Variants in CSMD1 observed in about 807,000 individuals in gnomAD.
CSMD1 encodes CUB and Sushi multiple domains 1.
Under a neutral mutation model 417.5 loss-of-function variants are expected in CSMD1, and 213 were observed. That is an observed-to-expected ratio of 0.51 (90% CI 0.46 to 0.57). The LOEUF is 0.57. CSMD1 is among the 20% of genes least tolerant of loss of function. CSMD1 has a pLI of 0.00. For synonymous variants in CSMD1, 2,862 were observed against 1,736.8 expected, an observed-to-expected ratio of 1.65 and a Z score of -16.11; for missense variants, 6,923 against 4,529.7, an observed-to-expected ratio of 1.53 and a Z score of -15.17.
intron 1 of CSMD1, among the ~76,000 whole-genome samples, chr8:4,913,577 G>T (rs922933326): frequency 1.3e-5 from 2 of 152,188 alleles, no homozygotes; most frequent in African/African-American, 4.8e-5. Context: ...TGCGTCCACA[G>T]CTCATTTAAT....
chr8:3,782,398 A>C (rs566972086), intron 5 of CSMD1, among the ~76,000 whole-genome samples: 3 of 152,320 alleles, frequency 2.0e-5, no homozygotes, highest in African/African-American at 7.2e-5. Flanking sequence ...CGATAAACTA[A>C]AAAATAGACT....
intron 7 of CSMD1, among the ~76,000 whole-genome samples, chr8:3,674,759 C>A (rs906144407): frequency 5.3e-5 from 8 of 152,060 alleles, no homozygotes; most frequent in African/African-American, 1.9e-4. Flanking sequence ...CTTCACTCTT[C>A]AAAAAATGAA....
intron 1 of CSMD1, among the ~76,000 whole-genome samples, chr8:4,722,232 A>T (rs1410006229): frequency 6.6e-6 from 1 of 152,126 alleles, no homozygotes; most frequent in African/African-American, 2.4e-5. Flanking sequence ...TTGCTTGAGT[A>T]CACTTATTTG....
At chr8:4,556,802 T>G (rs978591797) in intron 2 of CSMD1, among the ~76,000 whole-genome samples, 1 of 152,126 alleles carries the variant, frequency 6.6e-6, no homozygotes, top group East Asian at 1.9e-4. Flanking sequence ...AGTGCTGACA[T>G]AAAGCTCAAA....
chr8:3,319,191 AACTC>A (rs1584992569), intron 23 of CSMD1, among the ~76,000 whole-genome samples: 1 of 152,320 alleles, frequency 6.6e-6, no homozygotes, highest in East Asian at 1.9e-4. Context: ...AAAAAAATGA[AACTC>A]ACATATTTCT....
chr8:3,022,679 T>TA lies in CSMD1; in HGVS notation c.7856-4030dup, dbSNP rs35865350. 3.2e-3 allele frequency among the ~76,000 whole-genome samples: 432 copies of TA among 136,378 alleles called. 1 individual carries two copies. Among genetic ancestry groups the TA allele is most frequent in the African/African-American group, 4.9e-3 (182 of 37,290 alleles). The allele number at this position is 136,378 out of a possible 152,430, so 89.5% of individuals were successfully genotyped here. ...TAGGTCTTTTCAAATACATTCTAGC[T>TA]AAAAAAAAAAAAAAAAGCTAAATGA... is the stretch of plus-strand genomic sequence containing the variant. On this transcript the variant is annotated intron_variant, in intron 51 of 69. Transcript: ENST00000635120.
At chr8:4,787,520 G>T in intron 1 of CSMD1, 1 of 1,103,860 alleles carries the variant, frequency 9.1e-7, no homozygotes, top group Non-Finnish European at 1.4e-6. Flanking sequence ...GTTATTATAG[G>T]AAGCAGGTAT....
At chr8:3,364,748 AC>A (rs1233061798) in intron 20 of CSMD1, among the ~76,000 whole-genome samples, 2 of 152,164 alleles carry the variant, frequency 1.3e-5, no homozygotes, top group African/African-American at 4.8e-5. Flanking sequence ...AAGAAGGCTC[AC>A]CCCAGATGCC....
intron 1 of CSMD1, among the ~76,000 whole-genome samples, chr8:4,726,842 T>C (rs1809491946): frequency 6.6e-6 from 1 of 152,130 alleles, no homozygotes; most frequent in African/African-American, 2.4e-5. Context: ...AAGATGCAAA[T>C]GACCTGAAAA....
In CSMD1 at chr8:3,406,184, A is replaced by G. The variant is rs1812331925; in HGVS notation, c.2109T>C (p.Pro703=). Residue 703 remains proline (P), a synonymous_variant, in exon 15 of 70, where the codon CCT becomes CCC. Coordinates refer to ENST00000635120, the MANE Select transcript of CSMD1 (RefSeq NM_033225.6). ...GQNECHDPGI[P]INGRRFGDRF... ...TGTCACCAAAACGTCGTCCGTTTATAGGAATGCCAGGATCATGGCACTCAT... is the reference window on the plus strand; with the variant it reads ...TGTCACCAAAACGTCGTCCGTTTATGGGAATGCCAGGATCATGGCACTCAT... 3 of 1,611,466 alleles carry G rather than the reference A, an allele frequency of 1.9e-6. No homozygotes were observed. Among genetic ancestry groups the G allele is most frequent in the Non-Finnish European group, 2.5e-6 (3 of 1,178,668 alleles).
At chr8:3,500,015 A>G (rs1459000869) in intron 10 of CSMD1, among the ~76,000 whole-genome samples, 1 of 152,040 alleles carries the variant, frequency 6.6e-6, no homozygotes, top group East Asian at 2.0e-4. Context: ...GCTTTTCTGA[A>G]GCCCTGAATA....
chr8:4,909,715 G>A (rs1191541270), intron 1 of CSMD1, among the ~76,000 whole-genome samples: 3 of 152,118 alleles, frequency 2.0e-5, no homozygotes, highest in African/African-American at 4.8e-5. Flanking sequence ...AGCAGCTCAT[G>A]AAAGTGACCA....
At chr8:3,562,332 C>G (rs114309231) in intron 10 of CSMD1, among the ~76,000 whole-genome samples, 10 of 101,444 alleles carry the variant, frequency 9.9e-5, no homozygotes, top group African/African-American at 4.1e-4. Flanking sequence ...TTTCCTCTAT[C>G]TGCATCTTGG....
At chr8:3,316,007 T>C (rs7827835) in intron 23 of CSMD1, among the ~76,000 whole-genome samples, 2,831 of 152,296 alleles carry the variant, frequency 0.019, 91 homozygotes, top group African/African-American at 0.064. Context: ...ATTCAAATTA[T>C]TCACTTTCTC....
intron 2 of CSMD1, among the ~76,000 whole-genome samples, chr8:4,548,055 A>G (rs1165338777): frequency 6.6e-6 from 1 of 152,158 alleles, no homozygotes; most frequent in African/African-American, 2.4e-5. Context: ...CCCTTGCAAT[A>G]TATTAAATAA....
intron 7 of CSMD1, among the ~76,000 whole-genome samples, chr8:3,657,367 C>T (rs1196827586): frequency 6.6e-6 from 1 of 152,004 alleles, no homozygotes; most frequent in East Asian, 1.9e-4. Flanking sequence ...AAGATCTCTG[C>T]AATGAAACTA....
At chr8:3,173,678 T>G (rs952935200) in intron 37 of CSMD1, among the ~76,000 whole-genome samples, 1 of 152,206 alleles carries the variant, frequency 6.6e-6, no homozygotes. Flanking sequence ...CTCGTCTCAG[T>G]GCACAGAATG....
intron 5 of CSMD1, among the ~76,000 whole-genome samples, chr8:3,910,881 C>T (rs1231727310): frequency 6.6e-6 from 1 of 152,122 alleles, no homozygotes; most frequent in Non-Finnish European, 1.5e-5. Context: ...TTCAAGAGAA[C>T]TGGAAAAATA....
intron 50 of CSMD1, among the ~76,000 whole-genome samples, chr8:3,046,353 C>G (rs763951012): frequency 7.9e-5 from 12 of 152,062 alleles, no homozygotes; most frequent in Non-Finnish European, 1.6e-4. Flanking sequence ...ACAGGAGATA[C>G]CTGTACGCCT....
Sources: allele counts gnomAD v4.1 joint callset (sites outside exome capture counted in the v4.1 genomes callset), GRCh38; gene constraint gnomAD v4.1.1; transcripts MANE v1.5; gene names NCBI Gene and HGNC (gene_info 2026-07-23, HGNC 2026-07-21).